The following CCSER1 variants were observed in gnomAD, a reference collection of about 807,000 sequenced individuals.
The protein encoded by CCSER1 is serine-rich coiled-coil domain-containing protein 1.
In CCSER1, 41 loss-of-function variants were observed where a neutral mutation model predicts 82.0. The observed-to-expected ratio is 0.50, with a 90% CI of 0.39 to 0.65. CCSER1 has a LOEUF of 0.65. Ranked by LOEUF, CCSER1 falls within the 30% of genes least tolerant of loss-of-function variation. The pLI is 0.00. For synonymous variants in CCSER1, 414 were observed against 383.9 expected (o/e 1.08, Z -0.92); for missense variants, 1,119 against 1,064.2 (o/e 1.05, Z -0.72).
chr4:91,386,266 A>G (rs1455156156), intron 10 of CCSER1, among the ~76,000 whole-genome samples: 1 of 152,062 alleles, frequency 6.6e-6, no homozygotes, highest in Non-Finnish European at 1.5e-5. Context: ...TCAAAAGGTC[A>G]CAGGGGATAT....
At chr4:91,479,443 G>A (rs1053256724) in intron 10 of CCSER1, among the ~76,000 whole-genome samples, 6 of 151,300 alleles carry the variant, frequency 4.0e-5, no homozygotes, top group African/African-American at 1.2e-4. Flanking sequence ...GATAGAAAAC[G>A]TCACTAGAAG....
intron 10 of CCSER1, among the ~76,000 whole-genome samples, chr4:91,378,947 G>A (rs1214656871): frequency 6.6e-6 from 1 of 152,164 alleles, no homozygotes; most frequent in Non-Finnish European, 1.5e-5. Context: ...TTTATTGAGA[G>A]TTTTTAGCAT....
intron 9 of CCSER1, among the ~76,000 whole-genome samples, chr4:90,990,137 A>G (rs1285250366): frequency 2.6e-5 from 4 of 151,876 alleles, no homozygotes; most frequent in Non-Finnish European, 5.9e-5. Flanking sequence ...ATTTGTTTAA[A>G]TTAAGCAACT....
chr4:91,142,245 C>T (rs1729111454), intron 10 of CCSER1, among the ~76,000 whole-genome samples: 1 of 152,034 alleles, frequency 6.6e-6, no homozygotes, highest in Non-Finnish European at 1.5e-5. Flanking sequence ...GGAGAGTTCC[C>T]CTGAACAAGC....
chr4:91,149,555 T>C (rs1217596006), intron 10 of CCSER1, among the ~76,000 whole-genome samples: 1 of 152,214 alleles, frequency 6.6e-6, no homozygotes, highest in Non-Finnish European at 1.5e-5. Flanking sequence ...ACCTTGCCCA[T>C]GCCTATGTCC....
chr4:90,365,878 G>A (rs769396531), intron 3 of CCSER1, among the ~76,000 whole-genome samples: 1 of 151,882 alleles, frequency 6.6e-6, no homozygotes, highest in Admixed American at 6.6e-5. Context: ...ATACATGTGA[G>A]ATTATCTTTG....
chr4:91,294,439 A>T (rs992606041), intron 10 of CCSER1, among the ~76,000 whole-genome samples: 1 of 151,776 alleles, frequency 6.6e-6, no homozygotes, highest in Non-Finnish European at 1.5e-5. Flanking sequence ...TCTCTTATTG[A>T]CTATCTGCTT....
intron 4 of CCSER1, among the ~76,000 whole-genome samples, chr4:90,459,067 A>ATGTATG (rs1762539157): frequency 6.6e-6 from 1 of 152,166 alleles, no homozygotes; most frequent in Admixed American, 6.5e-5. Flanking sequence ...ATACATGTGT[A>ATGTATG]TGTATGTGTA....
At chr4:90,702,939 AT>A (rs1308831263) in intron 6 of CCSER1, among the ~76,000 whole-genome samples, 1 of 152,198 alleles carries the variant, frequency 6.6e-6, no homozygotes, top group African/African-American at 2.4e-5. Flanking sequence ...GGATTCATTA[AT>A]TTTTTGAAGG....
At position 91,045,479 on chromosome 4, in the gene CCSER1, ACAAT is replaced by A. The variant is rs1172610710; in HGVS notation, c.2173-40470_2173-40467del. ...ATACACAATTCTTCATTATCCCTTA[ACAAT>A]AACTAGTGTTTATTCATATAAAATA... On this transcript the variant is annotated intron_variant, in intron 9 of 10. Transcript: ENST00000509176. 3.9e-5 allele frequency among the ~76,000 whole-genome samples: 5 copies of A among 127,218 alleles called. No individual in the cohort carries two copies. The Admixed American group carries it at 4.1e-4, about 10-fold the overall frequency. The allele number at this position is 127,218 out of a possible 152,430, so 83.5% of individuals were successfully genotyped here.
intron 10 of CCSER1, among the ~76,000 whole-genome samples, chr4:91,216,950 G>A (rs1438402582): frequency 6.6e-6 from 1 of 152,158 alleles, no homozygotes; most frequent in Non-Finnish European, 1.5e-5. Flanking sequence ...ATTGTGTCCG[G>A]AATTGGTGGG....
At chr4:91,279,031 T>G (rs1742695187) in intron 10 of CCSER1, among the ~76,000 whole-genome samples, 1 of 152,124 alleles carries the variant, frequency 6.6e-6, no homozygotes, top group Non-Finnish European at 1.5e-5. Context: ...AAATTTGCTG[T>G]ATAGCATGTC....
At chr4:90,601,331 C>A (rs72659501) in intron 5 of CCSER1, among the ~76,000 whole-genome samples, 1 of 151,592 alleles carries the variant, frequency 6.6e-6, no homozygotes, top group Non-Finnish European at 1.5e-5. Context: ...TTTAGATATC[C>A]TTTATCAGGT....
At chr4:91,004,943 G>C (rs536552486) in intron 9 of CCSER1, among the ~76,000 whole-genome samples, 1 of 152,274 alleles carries the variant, frequency 6.6e-6, no homozygotes, top group Admixed American at 6.5e-5. Context: ...CTTGGGCTCT[G>C]TTCTGATTAG....
At chr4:90,561,414 T>G (rs957014917) in intron 5 of CCSER1, among the ~76,000 whole-genome samples, 1 of 152,222 alleles carries the variant, frequency 6.6e-6, no homozygotes, top group Non-Finnish European at 1.5e-5. Context: ...TGTTTATATC[T>G]TTAATTTAGC....
chr4:90,662,878 C>A (rs1399092936), intron 6 of CCSER1, among the ~76,000 whole-genome samples: 1 of 152,080 alleles, frequency 6.6e-6, no homozygotes, highest in Admixed American at 6.6e-5. Context: ...CCAATGATGT[C>A]TCTTAAATCA....
At position 91,370,683 on chromosome 4, in the gene CCSER1, G is replaced by A. The variant is rs373803677; in HGVS notation, c.2218-227889G>A. ...TGCACTCCAGCCTGGGCGACAGAAT[G>A]AGACTCTGTCTCAAAAAAAAAAAAA... On this transcript the variant is annotated intron_variant, in intron 10 of 10. Coordinates refer to ENST00000509176, the MANE Select transcript of CCSER1 (RefSeq NM_001145065.2). Among the ~76,000 whole-genome samples the A allele has an allele frequency of 4.8e-4, 72 of 151,186 alleles. No individual in the cohort carries two copies. The East Asian group carries it at 0.013, about 28-fold the overall frequency.
intron 6 of CCSER1, among the ~76,000 whole-genome samples, chr4:90,644,831 C>T (rs960826324): frequency 2.0e-5 from 3 of 151,896 alleles, no homozygotes; most frequent in African/African-American, 7.3e-5. Flanking sequence ...CCTATAATCC[C>T]AGCACTTTGG....
At chr4:90,143,277 C>G (rs989613695) in intron 1 of CCSER1, among the ~76,000 whole-genome samples, 1 of 152,146 alleles carries the variant, frequency 6.6e-6, no homozygotes, top group Non-Finnish European at 1.5e-5. Flanking sequence ...CTTCATCTCT[C>G]AAGTCAAGCA....
Sources: allele counts gnomAD v4.1 joint callset (sites outside exome capture counted in the v4.1 genomes callset), GRCh38; gene constraint gnomAD v4.1.1; transcripts MANE v1.5; gene names NCBI Gene and HGNC (gene_info 2026-07-23, HGNC 2026-07-21).